CATSPERB: variants seen among roughly 807,000 people sequenced by gnomAD.
CATSPERB encodes cation channel sperm-associated auxiliary subunit beta.
In CATSPERB, 93 loss-of-function variants were observed where a neutral mutation model predicts 128.3. The ratio of observed to expected loss-of-function variants is 0.72; its 90% CI spans 0.61 to 0.86. The LOEUF is 0.86. CATSPERB is among the 40% of genes least tolerant of loss of function. The pLI, the probability that CATSPERB is intolerant of heterozygous loss-of-function variation, is 0.00. For synonymous variants in CATSPERB, 381 were observed against 448.8 expected, an observed-to-expected ratio of 0.85 and a Z score of 1.91; for missense variants, 1,153 against 1,329.5, an observed-to-expected ratio of 0.87 and a Z score of 2.06.
chr14:91,631,613 T>A (rs1431039758), intron 17 of CATSPERB, among the ~76,000 whole-genome samples: 1 of 152,012 alleles, frequency 6.6e-6, no homozygotes. Context: ...TGCAGTGAGC[T>A]GAGATCGCGC....
chr14:91,674,916 T>G (rs375446788), intron 11 of CATSPERB, among the ~76,000 whole-genome samples: 16 of 152,126 alleles, frequency 1.1e-4, no homozygotes, highest in South Asian at 2.1e-4. Flanking sequence ...CACCCCAAGT[T>G]CCCCCTTCTA....
chr14:91,710,394 T>G (rs949318717), intron 5 of CATSPERB: 17 of 152,166 alleles, frequency 1.1e-4, no homozygotes, highest in Non-Finnish European at 2.2e-4. Context: ...AATTCACCAT[T>G]TTTTTTCATC....
intron 11 of CATSPERB, among the ~76,000 whole-genome samples, chr14:91,680,202 G>A (rs1384092548): frequency 6.6e-6 from 1 of 152,172 alleles, no homozygotes; most frequent in Non-Finnish European, 1.5e-5. Flanking sequence ...TTCTCAGAAT[G>A]AGGCAAGGCT....
chr14:91,699,575 CTT>C (rs112740456), intron 7 of CATSPERB, among the ~76,000 whole-genome samples: 27 of 140,154 alleles, frequency 1.9e-4, no homozygotes, highest in East Asian at 2.1e-4. Flanking sequence ...GATGAATTAA[CTT>C]TTTTTTTTTT....
At chr14:91,707,810 T>G (rs1403618634) in intron 6 of CATSPERB, among the ~76,000 whole-genome samples, 1 of 151,170 alleles carries the variant, frequency 6.6e-6, no homozygotes, top group Non-Finnish European at 1.5e-5. Context: ...TTTCACCATG[T>G]TGGCCAGGCT....
chr14:91,628,966 TTTACAAAACTAAACATACTCTTAGCA>T (rs1566710193), intron 17 of CATSPERB, among the ~76,000 whole-genome samples: 1 of 152,206 alleles, frequency 6.6e-6, no homozygotes, highest in African/African-American at 2.4e-5. Context: ...TCAGTCATTT[TTTACAAAACTAAACATACTCTTAGCA>T]TACAATCAAG....
intron 20 of CATSPERB, 29 bp downstream of exon 20, chr14:91,617,568 A>G (rs1456360520): frequency 1.3e-6 from 2 of 1,551,930 alleles, no homozygotes; most frequent in Non-Finnish European, 1.7e-6. Flanking sequence ...CATCAGTAAG[A>G]AATGTTTTGT....
intron 2 of CATSPERB, among the ~76,000 whole-genome samples, chr14:91,725,609 TA>T (rs1051108659): frequency 3.3e-5 from 5 of 152,048 alleles, no homozygotes; most frequent in African/African-American, 1.2e-4. Context: ...TTGGGCACAC[TA>T]AAAAAAGTAA....
At chr14:91,690,239 C>T (rs913078889) in intron 10 of CATSPERB, among the ~76,000 whole-genome samples, 9 of 152,124 alleles carry the variant, frequency 5.9e-5, no homozygotes, top group South Asian at 2.1e-4. Context: ...GTGATCCACC[C>T]GCCTCAGCCT....
intron 17 of CATSPERB, chr14:91,636,063 A>C (rs1431301709): frequency 5.2e-5 from 9 of 173,322 alleles, no homozygotes; most frequent in East Asian, 1.5e-4. Context: ...AAGTAGGCCC[A>C]AAAATTTAGA....
chr14:91,650,873 G>T (rs1566718556), intron 15 of CATSPERB, among the ~76,000 whole-genome samples: 1 of 151,664 alleles, frequency 6.6e-6, no homozygotes, highest in South Asian at 2.1e-4. Flanking sequence ...CCACTTATTT[G>T]TTCATTTTAC....
At chr14:91,622,434 C>T (rs1437473810) in intron 18 of CATSPERB, among the ~76,000 whole-genome samples, 1 of 151,952 alleles carries the variant, frequency 6.6e-6, no homozygotes, top group Admixed American at 6.6e-5. Context: ...CCTTAAGGAA[C>T]ATCATCATTT....
intron 15 of CATSPERB, among the ~76,000 whole-genome samples, chr14:91,652,235 C>A (rs1894714652): frequency 6.6e-6 from 1 of 151,908 alleles, no homozygotes; most frequent in Non-Finnish European, 1.5e-5. Context: ...TTATAGAAAT[C>A]AGTAAGAAAA....
At chr14:91,673,099 A>C in intron 12 of CATSPERB, 83 bp from the exon 13 acceptor site, 1 of 1,181,148 alleles carries the variant, frequency 8.5e-7, no homozygotes, top group South Asian at 1.5e-5. Context: ...CCACTTGTTC[A>C]TAGAAGTAAT....
chr14:91,619,862 TGTGTGTGTG>T (rs1471670932), intron 19 of CATSPERB, among the ~76,000 whole-genome samples: 4 of 2,822 alleles, frequency 1.4e-3, no homozygotes, highest in African/African-American at 6.3e-3. Flanking sequence ...GTAATAAAAT[TGTGTGTGTG>T]TGTGTGTGTG....
intron 26 of CATSPERB, 32 bp downstream of exon 26, chr14:91,587,170 C>A: frequency 6.6e-7 from 1 of 1,524,988 alleles, no homozygotes; most frequent in Non-Finnish European, 8.9e-7. Context: ...CCCCAGCCAT[C>A]ACCCCTCTGA....
In CATSPERB at chr14:91,624,897, T is replaced by C. The variant is rs150960869; in HGVS notation, c.1853A>G (p.Asn618Ser). 63 of 1,612,780 alleles carry C rather than the reference T, an allele frequency of 3.9e-5. No homozygotes were observed. In the African/African-American group the frequency reaches 8.3e-4, roughly 21 times the overall value. The change falls in exon 18 of 27, where the codon AAT becomes AGT. Residue 618 changes from asparagine to serine, a missense_variant. Transcript: ENST00000256343. The part of the protein sequence containing the change: ...MKEPFGLEEV[N>S]ESSCLSSSLL... ...GGAACTAGACAAACAAGAGCTCTCA[T>C]TCACTTCTTCTAATCCAAAGGGCTC... is the stretch of plus-strand genomic sequence containing the variant.
intron 11 of CATSPERB, among the ~76,000 whole-genome samples, chr14:91,674,490 A>T (rs1460640748): frequency 6.6e-6 from 1 of 152,208 alleles, no homozygotes; most frequent in Non-Finnish European, 1.5e-5. Context: ...ACTTATATAA[A>T]GCAAACTTGT....
chr14:91,673,895 A>G (rs1895145201), intron 12 of CATSPERB, among the ~76,000 whole-genome samples: 1 of 149,120 alleles, frequency 6.7e-6, no homozygotes, highest in Non-Finnish European at 1.5e-5. Context: ...AAAAAAAAAA[A>G]TCCTTAATGT....
Sources: gnomAD v4.1 joint callset for allele counts (sites outside exome capture counted in the v4.1 genomes callset) on GRCh38, gnomAD v4.1.1 for gene constraint, MANE v1.5 for transcripts, NCBI Gene and HGNC (gene_info 2026-07-23, HGNC 2026-07-21) for gene names.